SMIM5: variants seen among roughly 807,000 people sequenced by gnomAD.
SMIM5 encodes the protein chromosome 17 open reading frame 109.
A neutral mutation model predicts 4.0 loss-of-function variants in SMIM5; 4 were observed. That is an observed-to-expected ratio of 1.01 (90% CI 0.50 to 2.30). The LOEUF (loss-of-function observed/expected upper bound fraction) is 2.30, where lower values mean the gene tolerates loss of function less well. SMIM5 is among the 30% of genes most tolerant of loss of function. The pLI is 0.02. For synonymous variants in SMIM5, 46 were observed against 43.6 expected (o/e 1.05, Z -0.22); for missense variants, 107 against 99.2 (o/e 1.08, Z -0.34).
chr17:75,639,958 C>T (rs2059402614), intron 1 of SMIM5: 1 of 482,652 alleles, frequency 2.1e-6, no homozygotes, highest in Non-Finnish European at 3.6e-6. Flanking sequence ...CTTGGTCTCA[C>T]TGTCCTCACC....
At chr17:75,634,420 C>T (rs1354410502) in intron 1 of SMIM5, among the ~76,000 whole-genome samples, 1 of 152,218 alleles carries the variant, frequency 6.6e-6, no homozygotes, top group Admixed American at 6.5e-5. Context: ...GGGCTCTGCT[C>T]AGAGCGCCTC....
At chr17:75,637,492 C>G (rs983680921) in intron 1 of SMIM5, 1 of 152,256 alleles carries the variant, frequency 6.6e-6, no homozygotes, top group African/African-American at 2.4e-5. Flanking sequence ...ACGGAGGTCC[C>G]GGAACCAAGA....
In SMIM5 at chr17:75,640,784, C is replaced by T; in HGVS notation, c.128-7C>T. On this transcript the variant is annotated splice_polypyrimidine_tract_variant and splice_region_variant and intron_variant, in intron 2 of 2. Transcript: ENST00000375215. The surrounding 1 kb of genome is among the most constrained non-coding windows in gnomAD (Gnocchi z 4.6). ...CCTGAGTCCCGTGCTCTCTCCCGGC[C>T]CTCCAGCTACTGTTCTGCTGTTGCT... 1.3e-6 allele frequency: 2 copies of T among 1,549,662 alleles called. No individual in the cohort carries two copies. Among genetic ancestry groups the T allele is most frequent in the Non-Finnish European group, 1.7e-6 (2 of 1,146,356 alleles).
At chr17:75,637,083 C>T (rs1010572305) in intron 1 of SMIM5, 1 of 152,344 alleles carries the variant, frequency 6.6e-6, no homozygotes, top group African/African-American at 2.4e-5. Flanking sequence ...GGAGGCTGGC[C>T]AGAGCTTCTC....
chr17:75,640,073 C>A lies in SMIM5; in HGVS notation c.-36-93C>A. The A allele has an allele frequency of 3.0e-6, 4 of 1,312,192 alleles. No individual in the cohort carries two copies. Among genetic ancestry groups the A allele is most frequent in the East Asian group, 2.6e-5 (1 of 38,568 alleles). The allele number at this position is 1,312,192 out of a possible 1,614,324, so 81.3% of individuals were successfully genotyped here. ...TGTGAGACCTGACAAACTTGTTCTG[C>A]GGGCTGCGGATGGGTGCGAGGGTGG... On this transcript the variant is annotated intron_variant, in intron 1 of 2. Coordinates refer to ENST00000375215, the MANE Select transcript of SMIM5 (RefSeq NM_001162995.3). The surrounding 1 kb of genome is among the most constrained non-coding windows in gnomAD (Gnocchi z 4.6).
intron 1 of SMIM5, among the ~76,000 whole-genome samples, chr17:75,635,507 G>T (rs910657296): frequency 1.3e-5 from 2 of 152,198 alleles, no homozygotes; most frequent in African/African-American, 4.8e-5. Context: ...GCTTCCTCCC[G>T]CCCTGGGTGG....
chr17:75,640,434 C>G lies in SMIM5; in HGVS notation c.127+106C>G. 1 of 1,433,210 alleles carries G rather than the reference C, an allele frequency of 7.0e-7. No homozygotes were observed. The highest frequency in any genetic ancestry group is 9.2e-7 in the Non-Finnish European group (1 of 1,086,730). 88.8% of individuals were successfully genotyped at this position (1,433,210 alleles called of 1,614,324 possible). A position where few individuals can be genotyped will look rare whatever the true frequency, so the allele number is the denominator to read the frequency against. ...CAGAGGTGGCGGGTGTCTGCCGGATCAAGGAGGAAAACCAGTTGTCCCTTG... is the reference window on the plus strand; with the variant it reads ...CAGAGGTGGCGGGTGTCTGCCGGATGAAGGAGGAAAACCAGTTGTCCCTTG... On this transcript the variant is annotated intron_variant, in intron 2 of 2. Coordinates refer to ENST00000375215, the MANE Select transcript of SMIM5 (RefSeq NM_001162995.3). This position sits in a 1 kb window ranked among gnomAD's most constrained non-coding sequence, Gnocchi z 4.6.
chr17:75,640,249 G>GCTGCTGCTCAAGCTGCAGAGA lies in SMIM5; in HGVS notation c.53_73dup (p.Leu18_Leu24dup). 3 of 1,551,454 alleles carry GCTGCTGCTCAAGCTGCAGAGA rather than the reference G, an allele frequency of 1.9e-6. No individual in the cohort carries two copies. The highest frequency in any genetic ancestry group is 1.7e-6 in the Non-Finnish European group (2 of 1,146,908). On this transcript the variant is annotated inframe_insertion, in exon 2 of 3. Coordinates refer to ENST00000375215, the MANE Select transcript of SMIM5 (RefSeq NM_001162995.3). The surrounding 1 kb of genome is among the most constrained non-coding windows in gnomAD (Gnocchi z 4.6). ...AGGAGATGCGCGCCGTGGGCGAGAG[G>GCTGCTGCTCAAGCTGCAGAGA]CTGCTGCTCAAGCTGCAGAGACTGC... is the stretch of plus-strand genomic sequence containing the variant.
intron 1 of SMIM5, chr17:75,639,896 G>C (rs1344886470): frequency 9.5e-6 from 3 of 315,174 alleles, no homozygotes; most frequent in Non-Finnish European, 1.8e-5. Flanking sequence ...GAACAGCGAA[G>C]CCAGAAACCA....
intron 1 of SMIM5, chr17:75,638,621 C>G (rs968159116): frequency 6.6e-6 from 1 of 152,320 alleles, no homozygotes; most frequent in Non-Finnish European, 1.5e-5. Flanking sequence ...ACGGGGGTGA[C>G]AGCCCCCAAA....
rs1473591526 is a variant in SMIM5 at position 75,640,887 on chromosome 17, C to A, written c.224C>A (p.Thr75Lys). 6.5e-6 allele frequency: 10 copies of A among 1,545,486 alleles called. No homozygotes were observed. The highest frequency in any genetic ancestry group is 8.7e-6 in the Non-Finnish European group (10 of 1,146,906). The change falls in exon 3 of 3, where the codon ACA (threonine) becomes AAA (lysine). Residue 75 changes from threonine to lysine, a missense_variant. By Grantham distance (78) the Thr-to-Lys change is moderately conservative. Coordinates refer to ENST00000375215, the MANE Select transcript of SMIM5 (RefSeq NM_001162995.3). This position sits in a 1 kb window ranked among gnomAD's most constrained non-coding sequence, Gnocchi z 4.6. ...GGCAGGAAGGTCCAGGTGCAGCCGA[C>A]ACCACCATGACGGACGGGCGATGGC... ...RRGRKVQVQPTPP is the reference protein window; with the variant it reads ...RRGRKVQVQPKPP
At chr17:75,634,821 A>G (rs1816466330) in intron 1 of SMIM5, among the ~76,000 whole-genome samples, 1 of 152,222 alleles carries the variant, frequency 6.6e-6, no homozygotes, top group Admixed American at 6.5e-5. Flanking sequence ...AGGAACCTGG[A>G]GGACTGACTT....
rs2059411637 is a variant in SMIM5, at chr17:75,640,307, T to C, written c.106T>C (p.Ser36Pro). 2.6e-6 allele frequency: 4 copies of C among 1,549,770 alleles called. No individual in the cohort carries two copies. The highest frequency in any genetic ancestry group is 3.5e-6 in the Non-Finnish European group (4 of 1,146,228). The change falls in exon 2 of 3, where the codon TCA (serine) becomes CCA (proline). Residue 36 changes from serine to proline, a missense_variant. Transcript: ENST00000375215. The surrounding 1 kb of genome is among the most constrained non-coding windows in gnomAD (Gnocchi z 4.6). ...QAEPVEIVAF[S>P]VIILFTATVL... ...TGAGCCCGTGGAGATCGTGGCCTTCTCAGTCATCATCCTTTTCACAGGTTA... is the reference window on the plus strand; with the variant it reads ...TGAGCCCGTGGAGATCGTGGCCTTCCCAGTCATCATCCTTTTCACAGGTTA...
At chr17:75,639,861 A>C in intron 1 of SMIM5, 3 of 219,898 alleles carry the variant, frequency 1.4e-5, no homozygotes, top group Non-Finnish European at 9.0e-6. Flanking sequence ...AAAACCCAGT[A>C]GTGGTACCTC....
Position 75,640,752 on chromosome 17 carries a change from C to G in SMIM5, c.128-39C>G. 1 of 1,539,920 alleles carries G rather than the reference C, an allele frequency of 6.5e-7. No homozygotes were observed. The highest frequency in any genetic ancestry group is 8.8e-7 in the Non-Finnish European group (1 of 1,139,716). ...GGAGGAGGGTGGGCATCCTTTCTCT[C>G]CCCCAACCTGAGTCCCGTGCTCTCT... On this transcript the variant is annotated intron_variant, in intron 2 of 2. Transcript: ENST00000375215. This position sits in a 1 kb window ranked among gnomAD's most constrained non-coding sequence, Gnocchi z 4.6.
chr17:75,640,055 C>T lies in SMIM5; in HGVS notation c.-36-111C>T. On this transcript the variant is annotated intron_variant, in intron 1 of 2. Coordinates refer to ENST00000375215, the MANE Select transcript of SMIM5 (RefSeq NM_001162995.3). The surrounding 1 kb of genome is among the most constrained non-coding windows in gnomAD (Gnocchi z 4.6). ...GTCACCAGGGGTGCAATGTGTGAGA[C>T]CTGACAAACTTGTTCTGCGGGCTGC... 8.4e-7 allele frequency: 1 copy of T among 1,189,142 alleles called. No homozygotes were observed. The highest frequency in any genetic ancestry group is 1.1e-6 in the Non-Finnish European group (1 of 879,190). 73.7% of individuals were successfully genotyped at this position (1,189,142 alleles called of 1,614,324 possible).
In SMIM5 at chr17:75,636,943, C is replaced by G. The variant is rs963825658; in HGVS notation, c.-37+2741C>G. On this transcript the variant is annotated intron_variant, in intron 1 of 2. Transcript: ENST00000375215. This position sits in a 1 kb window ranked among gnomAD's most constrained non-coding sequence, Gnocchi z 5.4. Reference sequence around the variant, plus strand: ...GCTTCCAGTCAGCCCCCTAGGGAAGCCCTGGGCGCAAAGCTATGACACTGT... The same window carrying G: ...GCTTCCAGTCAGCCCCCTAGGGAAGGCCTGGGCGCAAAGCTATGACACTGT... 1 of 152,260 alleles carries G rather than the reference C, an allele frequency of 6.6e-6. No homozygotes were observed. 9.4% of individuals were successfully genotyped at this position (152,260 alleles called of 1,614,324 possible).
Position 75,633,648 on chromosome 17 carries a change from G to C in SMIM5, c.-591G>C. On this transcript the variant is annotated 5_prime_UTR_variant, in exon 1 of 3. Coordinates refer to ENST00000375215, the MANE Select transcript of SMIM5 (RefSeq NM_001162995.3). ...CCACTGTTTACTGTTGTTCCTGAGA[G>C]AGGCCAGAGGGAGGGACCAGCCAGG... is the stretch of plus-strand genomic sequence containing the variant. 8.5e-7 allele frequency: 1 copy of C among 1,176,300 alleles called. No individual in the cohort carries two copies. The allele number at this position is 1,176,300 out of a possible 1,614,324, so 72.9% of individuals were successfully genotyped here. A position where few individuals can be genotyped will look rare whatever the true frequency, so the allele number is the denominator to read the frequency against.
chr17:75,640,178 G>A lies in SMIM5; in HGVS notation c.-24G>A, dbSNP rs1399033040. The A allele has an allele frequency of 1.3e-6, 2 of 1,534,700 alleles. No individual in the cohort carries two copies. The highest frequency in any genetic ancestry group is 2.5e-5 in the East Asian group (1 of 40,786). ...TCTGCCCCAGCAGAGCCCGGCAGGA[G>A]CCCCAACAGGAAGCCAGCGCGGCAT... On this transcript the variant is annotated 5_prime_UTR_variant, in exon 2 of 3. Transcript: ENST00000375215. This position sits in a 1 kb window ranked among gnomAD's most constrained non-coding sequence, Gnocchi z 4.6.
Sources: allele counts gnomAD v4.1 joint callset (sites outside exome capture counted in the v4.1 genomes callset), GRCh38; gene constraint gnomAD v4.1.1; non-coding constraint Gnocchi (gnomAD v3.1); transcripts MANE v1.5; gene names NCBI Gene and HGNC (gene_info 2026-07-23, HGNC 2026-07-21).